The following EXPH5 variants were observed in gnomAD, a reference collection of about 807,000 sequenced individuals.
EXPH5 encodes exophilin-5.
EXPH5 carries 42 observed loss-of-function variants against 41.1 expected under a neutral mutation model. That is an observed-to-expected ratio of 1.02 (90% CI 0.80 to 1.32). The LOEUF (loss-of-function observed/expected upper bound fraction) is 1.32, where lower values mean the gene tolerates loss of function less well. Among genes scored for constraint, EXPH5 ranks in the 40% most tolerant of loss-of-function variants. The probability of loss-of-function intolerance (pLI) is 0.00; values close to 1 mark genes in which losing one functional copy is unlikely to be tolerated. For synonymous variants in EXPH5, 798 were observed against 833.5 expected (o/e 0.96, Z 0.73); for missense variants, 2,298 against 2,314.5 (o/e 0.99, Z 0.15).
chr11:108,528,223 CCTAA>C (rs1180967407), intron 3 of EXPH5, 39 bp from the exon 4 acceptor site: 19 of 1,495,896 alleles, frequency 1.3e-5, no homozygotes, highest in Non-Finnish European at 1.5e-5. Context: ...TGAAGAAGAG[CCTAA>C]CTTTTACCAG....
At chr11:108,596,427 G>T (rs761631417), upstream of EXPH5, among the ~76,000 whole-genome samples, 1 of 152,146 alleles carries the variant, frequency 6.6e-6, no homozygotes, top group Admixed American at 6.5e-5. Flanking sequence ...GAGACGCAAA[G>T]ATGATGCAAG....
At chr11:108,542,327 G>A (rs916298094) in intron 1 of EXPH5, among the ~76,000 whole-genome samples, 1 of 135,548 alleles carries the variant, frequency 7.4e-6, no homozygotes, top group African/African-American at 3.4e-5. Context: ...TGTATTTTAG[G>A]TGTATTCTTT....
At chr11:108,592,285 G>A (rs771887628) in intron 1 of EXPH5, among the ~76,000 whole-genome samples, 1 of 152,166 alleles carries the variant, frequency 6.6e-6, no homozygotes, top group African/African-American at 2.4e-5. Flanking sequence ...GAAGGGTGAA[G>A]TCAGGGCATT....
At chr11:108,578,587 A>G (rs938825187) in intron 1 of EXPH5, among the ~76,000 whole-genome samples, 1 of 152,156 alleles carries the variant, frequency 6.6e-6, no homozygotes, top group Non-Finnish European at 1.5e-5. Context: ...TGATATTATA[A>G]TAGGTATTGC....
chr11:108,556,731 T>C (rs1478870389), intron 1 of EXPH5, among the ~76,000 whole-genome samples: 1 of 152,222 alleles, frequency 6.6e-6, no homozygotes, highest in Non-Finnish European at 1.5e-5. Context: ...TGCCTTGGCC[T>C]CCCAAAGTGC....
the EXPH5 span, among the ~76,000 whole-genome samples, chr11:108,606,464 C>T: frequency 6.6e-6 from 1 of 152,322 alleles, no homozygotes; most frequent in East Asian, 1.9e-4. Flanking sequence ...ACCCACCTGC[C>T]TTACTTTTCC....
chr11:108,546,070 G>C (rs12292226), intron 1 of EXPH5, among the ~76,000 whole-genome samples: 2,132 of 152,116 alleles, frequency 0.014, 48 homozygotes, highest in African/African-American at 0.048. Context: ...GAGCTTTCCA[G>C]GCAGAGGGGT....
intron 3 of EXPH5, among the ~76,000 whole-genome samples, chr11:108,536,048 G>A (rs980656561): frequency 6.6e-5 from 10 of 152,174 alleles, no homozygotes; most frequent in Non-Finnish European, 1.3e-4. Context: ...ATGACTTGCA[G>A]GAAGATGTTG....
intron 1 of EXPH5, among the ~76,000 whole-genome samples, chr11:108,593,135 C>T (rs1440671491): frequency 6.6e-6 from 1 of 152,230 alleles, no homozygotes; most frequent in Non-Finnish European, 1.5e-5. Flanking sequence ...CACAGCGTCA[C>T]TGCGCGGCCC....
At chr11:108,520,867 CTAT>C (rs1243186515) in intron 4 of EXPH5, among the ~76,000 whole-genome samples, 1 of 152,186 alleles carries the variant, frequency 6.6e-6, no homozygotes, top group East Asian at 1.9e-4. Flanking sequence ...CCTCGCCCAG[CTAT>C]TATTATTATC....
At chr11:108,557,155 C>A (rs1321863420) in intron 1 of EXPH5, among the ~76,000 whole-genome samples, 3 of 152,184 alleles carry the variant, frequency 2.0e-5, no homozygotes, top group Non-Finnish European at 4.4e-5. Flanking sequence ...ATTCCTTCTC[C>A]CATATTCAGT....
chr11:108,586,427 A>ACCCCC, intron 1 of EXPH5, among the ~76,000 whole-genome samples: 1 of 145,250 alleles, frequency 6.9e-6, no homozygotes, highest in African/African-American at 2.6e-5. Flanking sequence ...TCCCTCCCTG[A>ACCCCC]TCCCCTTTCC....
intron 5 of EXPH5, 92 bp from the exon 6 acceptor site, chr11:108,514,967 A>T (rs2093714936): frequency 1.5e-6 from 1 of 673,150 alleles, no homozygotes; most frequent in Non-Finnish European, 2.2e-6. Context: ...AAGAAACATA[A>T]TCATTTATAA....
chr11:108,584,549 C>G (rs1197451724), intron 1 of EXPH5, among the ~76,000 whole-genome samples: 1 of 151,134 alleles, frequency 6.6e-6, no homozygotes, highest in Non-Finnish European at 1.5e-5. Context: ...AATCAGGATA[C>G]CATAGTATTT....
intron 1 of EXPH5, among the ~76,000 whole-genome samples, chr11:108,551,201 A>G (rs979281432): frequency 6.6e-6 from 1 of 152,212 alleles, no homozygotes; most frequent in Non-Finnish European, 1.5e-5. Flanking sequence ...CTCTGAGTCT[A>G]AAACCCATGT....
At position 108,511,169 on chromosome 11, in the gene EXPH5, C is replaced by A; in HGVS notation, c.4338G>T (p.Glu1446Asp). Residue 1446 changes from glutamate (E) to aspartate (D), a missense_variant, in exon 6 of 6, where the codon GAG (glutamate) becomes GAT (aspartate). Physicochemically the swap from Glu to Asp is conservative, Grantham distance 45. Transcript: ENST00000265843. ...GNSQTRRSSWECTGSGRAIPF... is the reference protein window; with the variant it reads ...GNSQTRRSSWDCTGSGRAIPF... ...GAATGGCTCTACCACTCCCTGTACACTCCCAAGAACTTCTTCTAGTTTGGG... is the reference window on the plus strand; with the variant it reads ...GAATGGCTCTACCACTCCCTGTACAATCCCAAGAACTTCTTCTAGTTTGGG... The A allele has an allele frequency of 6.2e-7, 1 of 1,612,650 alleles. No individual in the cohort carries two copies. Among genetic ancestry groups the A allele is most frequent in the Non-Finnish European group, 8.5e-7 (1 of 1,179,594 alleles).
Position 108,514,354 on chromosome 11 carries a change from G to A in EXPH5, c.1153C>T (p.Gln385Ter), listed in dbSNP as rs745411320. Residue 385 changes from glutamine (Q) to a stop codon, truncating the protein, a stop_gained, in exon 6 of 6, where the codon CAG becomes TAG. Transcript: ENST00000265843. LOFTEE classifies it low-confidence loss of function (END_TRUNC). ...GATGGTGCCCTCAGGAACTCTTCCT[G>A]GTTCTCCCTGTCTCTAGAGGAATCT... ...RSDSSRDREN[Q>*]EEFLRAPSPM... 1 of 1,613,644 alleles carries A rather than the reference G, an allele frequency of 6.2e-7. No individual in the cohort carries two copies. Among genetic ancestry groups the A allele is most frequent in the East Asian group, 2.2e-5 (1 of 44,880 alleles).
chr11:108,577,987 G>A (rs796111642), intron 1 of EXPH5, among the ~76,000 whole-genome samples: 8 of 152,164 alleles, frequency 5.3e-5, no homozygotes, highest in African/African-American at 1.9e-4. Context: ...CATTCTGTAG[G>A]TTGTCTCTTC....
intron 4 of EXPH5, among the ~76,000 whole-genome samples, chr11:108,522,545 A>G (rs1317285696): frequency 6.6e-6 from 1 of 152,134 alleles, no homozygotes; most frequent in Non-Finnish European, 1.5e-5. Flanking sequence ...CAATGCTGAA[A>G]TACCTCATTC....
Sources: allele counts gnomAD v4.1 joint callset (sites outside exome capture counted in the v4.1 genomes callset), GRCh38; gene constraint gnomAD v4.1.1; transcripts MANE v1.5; gene names NCBI Gene and HGNC (gene_info 2026-07-23, HGNC 2026-07-21).